CTNNA2: variants seen among roughly 807,000 people sequenced by gnomAD.
CTNNA2 encodes the protein catenin alpha-2.
Under a neutral mutation model 101.0 loss-of-function variants are expected in CTNNA2, and 42 were observed. That is an observed-to-expected ratio of 0.42 (90% CI 0.32 to 0.54). The LOEUF (loss-of-function observed/expected upper bound fraction) is 0.54, where lower values mean the gene tolerates loss of function less well. CTNNA2 is among the 20% of genes least tolerant of loss of function. The pLI, the probability that CTNNA2 is intolerant of heterozygous loss-of-function variation, is 0.14. For synonymous variants in CTNNA2, 450 were observed against 456.4 expected, an observed-to-expected ratio of 0.99 and a Z score of 0.18; for missense variants, 871 against 1,223.1, an observed-to-expected ratio of 0.71 and a Z score of 4.29.
At chr2:80,321,730 C>T (rs150793223) in intron 7 of CTNNA2, among the ~76,000 whole-genome samples, 1,758 of 152,232 alleles carry the variant, frequency 0.012, 11 homozygotes, top group Admixed American at 0.019. Flanking sequence ...AATGCATGCA[C>T]GCATGTACTT....
At chr2:80,614,564 G>A (rs1698699896) in intron 17 of CTNNA2, among the ~76,000 whole-genome samples, 1 of 151,312 alleles carries the variant, frequency 6.6e-6, no homozygotes, top group Admixed American at 6.6e-5. Flanking sequence ...GTAAAACCCA[G>A]ACAAACCTAT....
At chr2:79,282,334 G>A (rs1481344127) in intron 2 of CTNNA2, among the ~76,000 whole-genome samples, 2 of 151,900 alleles carry the variant, frequency 1.3e-5, no homozygotes, top group Non-Finnish European at 2.9e-5. Flanking sequence ...GTATACATGT[G>A]CCATGCTGGT....
At chr2:80,482,467 T>A (rs1448203773) in intron 9 of CTNNA2, among the ~76,000 whole-genome samples, 1 of 152,166 alleles carries the variant, frequency 6.6e-6, no homozygotes, top group Non-Finnish European at 1.5e-5. Context: ...CTGTCACAAC[T>A]GCTCAACTTT....
At chr2:80,033,109 C>A (rs1357387159) in intron 7 of CTNNA2, among the ~76,000 whole-genome samples, 1 of 145,570 alleles carries the variant, frequency 6.9e-6, no homozygotes, top group Non-Finnish European at 1.5e-5. Context: ...TGAGATCGCA[C>A]CATTGCACTC....
intron 9 of CTNNA2, among the ~76,000 whole-genome samples, chr2:80,506,680 A>C (rs1688303872): frequency 6.6e-6 from 1 of 152,150 alleles, no homozygotes; most frequent in African/African-American, 2.4e-5. Context: ...AAGTGGGACA[A>C]CTCTGAAGGC....
intron 2 of CTNNA2, among the ~76,000 whole-genome samples, chr2:79,680,778 C>T (rs543894529): frequency 6.6e-6 from 1 of 152,284 alleles, no homozygotes; most frequent in South Asian, 2.1e-4. Context: ...AGTATTACTG[C>T]TGCTCCTGCT....
intron 18 of CTNNA2, among the ~76,000 whole-genome samples, chr2:80,646,831 A>C (rs1674146057): frequency 6.6e-6 from 1 of 152,102 alleles, no homozygotes; most frequent in African/African-American, 2.4e-5. Flanking sequence ...ATCTTTAAAG[A>C]CTAAAACCTG....
At chr2:80,407,899 A>G (rs1483613768) in intron 8 of CTNNA2, among the ~76,000 whole-genome samples, 2 of 152,230 alleles carry the variant, frequency 1.3e-5, no homozygotes, top group African/African-American at 4.8e-5. Context: ...GAGGGAAGGT[A>G]GCTCAGAGGT....
chr2:79,630,736 A>G (rs940848057), intron 1 of CTNNA2, among the ~76,000 whole-genome samples: 3 of 152,188 alleles, frequency 2.0e-5, no homozygotes, highest in African/African-American at 7.2e-5. Flanking sequence ...GCTCCTTTGG[A>G]CATTAGAACC....
chr2:79,564,934 C>T lies in CTNNA2; in HGVS notation c.-6+51727C>T, dbSNP rs1052197347. Among the ~76,000 whole-genome samples the T allele has an allele frequency of 3.5e-4, 53 of 152,054 alleles. 1 individual carries two copies. Among genetic ancestry groups the T allele is most frequent in the East Asian group, 3.9e-4 (2 of 5,180 alleles). ...AATTAAGCACTGTTTTATTTACTTG[C>T]GTTCTGTTTATTTTCTGCCTCTCTC... On this transcript the variant is annotated intron_variant, in intron 1 of 18. Coordinates refer to ENST00000402739, the MANE Select transcript of CTNNA2 (RefSeq NM_001282597.3).
At chr2:80,073,137 G>T (rs1220940548) in intron 7 of CTNNA2, among the ~76,000 whole-genome samples, 1 of 152,234 alleles carries the variant, frequency 6.6e-6, no homozygotes, top group Non-Finnish European at 1.5e-5. Context: ...GCATAAGGTT[G>T]CAGCCAGTCT....
chr2:80,145,372 G>A (rs1255259997), intron 7 of CTNNA2, among the ~76,000 whole-genome samples: 1 of 152,144 alleles, frequency 6.6e-6, no homozygotes. Context: ...TACCAGGCAT[G>A]TTATGCTTGT....
intron 18 of CTNNA2, among the ~76,000 whole-genome samples, chr2:80,619,520 A>G (rs763914508): frequency 2.5e-4 from 38 of 151,978 alleles, no homozygotes; most frequent in Non-Finnish European, 4.3e-4. Context: ...GAATGAATCC[A>G]TTCTATAGTC....
intron 3 of CTNNA2, among the ~76,000 whole-genome samples, chr2:79,759,896 T>A (rs148032440): frequency 6.6e-6 from 1 of 152,198 alleles, no homozygotes; most frequent in Non-Finnish European, 1.5e-5. Flanking sequence ...CTTAAATCAA[T>A]AGTGCTAGAG....
At chr2:80,076,174 G>A (rs748814189) in intron 7 of CTNNA2, among the ~76,000 whole-genome samples, 2 of 152,012 alleles carry the variant, frequency 1.3e-5, no homozygotes, top group Non-Finnish European at 2.9e-5. Flanking sequence ...AGGCCTCTTC[G>A]GTGTTTAGCC....
At chr2:79,816,766 T>G (rs892844694) in intron 3 of CTNNA2, among the ~76,000 whole-genome samples, 4 of 152,216 alleles carry the variant, frequency 2.6e-5, no homozygotes, top group Non-Finnish European at 5.9e-5. Context: ...GTACTCTTAA[T>G]TTGCTGAATT....
At position 79,242,969 on chromosome 2, in the gene CTNNA2, A is replaced by AATAT. The variant is rs137898899; in HGVS notation, c.-406+44915_-406+44918dup. 2.7e-3 allele frequency among the ~76,000 whole-genome samples: 346 copies of AATAT among 127,324 alleles called. 7 individuals are homozygous for AATAT. The highest frequency in any genetic ancestry group is 5.4e-3 in the African/African-American group (184 of 34,204). 83.5% of individuals were successfully genotyped at this position (127,324 alleles called of 152,430 possible). On this transcript the variant is annotated intron_variant, in intron 2 of 21. Coordinates refer to the CTNNA2 transcript ENST00000466387. Reference sequence around the variant, plus strand: ...GCAACAAAGTAAGATCCTGTCTCGAAATATATATATATATATATATATATA... The same window carrying AATAT: ...GCAACAAAGTAAGATCCTGTCTCGAAATATATATATATATATATATATATATATA...
chr2:79,943,302 A>G (rs1286636825), intron 7 of CTNNA2, among the ~76,000 whole-genome samples: 1 of 151,860 alleles, frequency 6.6e-6, no homozygotes, highest in East Asian at 1.9e-4. Context: ...TTTCTAGCAA[A>G]CTCACCCCAG....
chr2:79,680,404 C>T (rs1683481655), intron 2 of CTNNA2, among the ~76,000 whole-genome samples: 1 of 152,072 alleles, frequency 6.6e-6, no homozygotes, highest in Admixed American at 6.6e-5. Flanking sequence ...GACAGTCCCA[C>T]TGATGTACCT....
Sources: gnomAD v4.1 joint callset for allele counts (sites outside exome capture counted in the v4.1 genomes callset) on GRCh38, gnomAD v4.1.1 for gene constraint, MANE v1.5 for transcripts, NCBI Gene and HGNC (gene_info 2026-07-23, HGNC 2026-07-21) for gene names.